The following ANO3 variants were observed in gnomAD, a reference collection of about 807,000 sequenced individuals.
ANO3 encodes the protein anoctamin-3.
ANO3 carries 99 observed loss-of-function variants against 144.8 expected under a neutral mutation model. The ratio of observed to expected loss-of-function variants is 0.68; its 90% CI spans 0.58 to 0.81. ANO3 has a LOEUF of 0.81. Among genes scored for constraint, ANO3 ranks in the 30% least tolerant of loss-of-function variants. ANO3 has a pLI of 0.00. For missense variants in ANO3, 905 were observed against 1,202.2 expected, an observed-to-expected ratio of 0.75 and a Z score of 3.66; for synonymous variants, 414 against 392.6, an observed-to-expected ratio of 1.05 and a Z score of -0.64.
chr11:26,440,029 C>T (rs1378571989), intron 1 of ANO3, among the ~76,000 whole-genome samples: 1 of 152,242 alleles, frequency 6.6e-6, no homozygotes, highest in South Asian at 2.1e-4. Flanking sequence ...AATAAAAAGT[C>T]CCTTTGCCTC....
chr11:26,431,603 T>C (rs148233750), intron 1 of ANO3, among the ~76,000 whole-genome samples: 1,750 of 152,300 alleles, frequency 0.011, 17 homozygotes, highest in Non-Finnish European at 0.018. Context: ...CTTCTATATG[T>C]CCATGTGTTC....
intron 1 of ANO3, chr11:26,208,060 T>G (rs4542363): frequency 0.3 from 46,127 of 152,026 alleles, 7,734 homozygotes; most frequent in Non-Finnish European, 0.37. Context: ...CCCTTCTTGC[T>G]GTGTCCTCAC....
At chr11:26,476,433 T>C (rs76385853) in intron 4 of ANO3, among the ~76,000 whole-genome samples, 3,293 of 152,026 alleles carry the variant, frequency 0.022, 98 homozygotes, top group African/African-American at 0.075. Context: ...AGGGCCCTGG[T>C]GTGGAAAGTA....
At chr11:26,571,488 T>C (rs1015587957) in intron 14 of ANO3, among the ~76,000 whole-genome samples, 23 of 152,152 alleles carry the variant, frequency 1.5e-4, no homozygotes, top group African/African-American at 5.3e-4. Flanking sequence ...TTATATGTAC[T>C]GTACAACAGT....
At chr11:26,481,119 T>A (rs1234561153) in intron 4 of ANO3, among the ~76,000 whole-genome samples, 1 of 152,068 alleles carries the variant, frequency 6.6e-6, no homozygotes, top group African/African-American at 2.4e-5. Flanking sequence ...AGAAAATGTA[T>A]TCATATTATT....
At position 26,531,316 on chromosome 11, in the gene ANO3, C is replaced by T. The variant is rs778775476; in HGVS notation, c.849C>T (p.Phe283=). 1.9e-6 allele frequency: 3 copies of T among 1,611,028 alleles called. No homozygotes were observed. The highest frequency in any genetic ancestry group is 2.7e-5 in the African/African-American group (2 of 74,690). ...LEESDCYTGP[F]SRARIHHFII... ...AGTCAGACTGCTATACTGGCCCCTT[C>T]AGCCGTGCACGGATTCACCAGTGAG... is the stretch of plus-strand genomic sequence containing the variant. Residue 283 remains phenylalanine (F), a synonymous_variant, in exon 8 of 27, where the codon TTC becomes TTT. Transcript: ENST00000256737.
intron 1 of ANO3, among the ~76,000 whole-genome samples, chr11:26,250,553 C>A (rs1268114792): frequency 6.6e-6 from 1 of 152,146 alleles, no homozygotes; most frequent in African/African-American, 2.4e-5. Context: ...CTGTTGGATT[C>A]ATCACTGCCC....
intron 1 of ANO3, among the ~76,000 whole-genome samples, chr11:26,199,238 A>T (rs1309796281): frequency 1.3e-5 from 2 of 152,086 alleles, no homozygotes; most frequent in Non-Finnish European, 2.9e-5. Flanking sequence ...CTGACTCCAT[A>T]TCCTTTTGCA....
chr11:26,569,644 T>C (rs916647382), intron 14 of ANO3, among the ~76,000 whole-genome samples: 2 of 151,982 alleles, frequency 1.3e-5, no homozygotes, highest in African/African-American at 4.8e-5. Flanking sequence ...CTAATGGAGG[T>C]GGGACAGCAA....
intron 17 of ANO3, among the ~76,000 whole-genome samples, chr11:26,605,126 G>A (rs1851900919): frequency 6.6e-6 from 1 of 152,100 alleles, no homozygotes; most frequent in Non-Finnish European, 1.5e-5. Context: ...TAACCTGAAG[G>A]GATATTGAAT....
intron 1 of ANO3, among the ~76,000 whole-genome samples, chr11:26,396,490 C>T (rs537932411): frequency 1.3e-5 from 2 of 152,258 alleles, no homozygotes; most frequent in African/African-American, 4.8e-5. Context: ...AAGACACGTG[C>T]ACACATATGT....
intron 17 of ANO3, among the ~76,000 whole-genome samples, chr11:26,612,354 C>T (rs1201577833): frequency 1.3e-5 from 2 of 151,494 alleles, no homozygotes; most frequent in African/African-American, 2.4e-5. Flanking sequence ...ATTATTTTAA[C>T]GTAACTTTGT....
At chr11:26,344,368 C>CTT (rs10683178) in intron 1 of ANO3, among the ~76,000 whole-genome samples, 8,098 of 137,882 alleles carry the variant, frequency 0.059, 677 homozygotes, top group African/African-American at 0.17. Context: ...AAAATATTGT[C>CTT]TTTTTTTTTT....
chr11:26,539,152 AC>A (rs1849583851), intron 10 of ANO3, among the ~76,000 whole-genome samples: 2 of 151,586 alleles, frequency 1.3e-5, no homozygotes, highest in African/African-American at 4.9e-5. Flanking sequence ...ACACACACAC[AC>A]ACACACACAC....
chr11:26,597,059 C>G (rs1312236198), intron 14 of ANO3, among the ~76,000 whole-genome samples: 1 of 152,168 alleles, frequency 6.6e-6, no homozygotes, highest in Admixed American at 6.5e-5. Flanking sequence ...GGTTATTTTC[C>G]TCCAATTCTA....
At chr11:26,293,295 T>C (rs1000453716) in intron 1 of ANO3, among the ~76,000 whole-genome samples, 10 of 151,870 alleles carry the variant, frequency 6.6e-5, no homozygotes, top group African/African-American at 2.4e-4. Context: ...TTTCAAAGAA[T>C]TTTTGAAAAA....
At chr11:26,285,596 A>G (rs1050223406) in intron 1 of ANO3, 4 of 152,210 alleles carry the variant, frequency 2.6e-5, no homozygotes, top group African/African-American at 9.6e-5. Flanking sequence ...AAGTATATTC[A>G]TTTAATAAAT....
intron 1 of ANO3, among the ~76,000 whole-genome samples, chr11:26,385,656 A>G (rs1290134469): frequency 6.6e-6 from 1 of 152,004 alleles, no homozygotes; most frequent in Non-Finnish European, 1.5e-5. Context: ...GACCCCTGTG[A>G]TTACACTGGG....
chr11:26,476,108 T>A (rs1859957606), intron 4 of ANO3, among the ~76,000 whole-genome samples: 1 of 152,116 alleles, frequency 6.6e-6, no homozygotes, highest in Non-Finnish European at 1.5e-5. Flanking sequence ...CCCCTTAATA[T>A]CTTCAGTGCA....
Sources: allele counts gnomAD v4.1 joint callset (sites outside exome capture counted in the v4.1 genomes callset), GRCh38; gene constraint gnomAD v4.1.1; transcripts MANE v1.5; gene names NCBI Gene and HGNC (gene_info 2026-07-23, HGNC 2026-07-21).